RBBP8: variants seen among roughly 807,000 people sequenced by gnomAD.
RBBP8 encodes the protein RB binding protein 8, endonuclease, also known as DNA endonuclease RBBP8.
In RBBP8, 88 loss-of-function variants were observed where a neutral mutation model predicts 108.3. That is an observed-to-expected ratio of 0.81 (90% confidence interval 0.68 to 0.97). The LOEUF is 0.97. RBBP8 is among the 50% of genes least tolerant of loss of function. The pLI is 0.00. For synonymous variants in RBBP8, 332 were observed against 348.2 expected (o/e 0.95, Z 0.52); for missense variants, 1,023 against 1,049.0 (o/e 0.98, Z 0.34).
At chr18:22,922,223 T>C (rs1909621057) in intron 3 of RBBP8, among the ~76,000 whole-genome samples, 1 of 152,040 alleles carries the variant, frequency 6.6e-6, no homozygotes, top group Admixed American at 6.5e-5. Context: ...GAAGGAGAAA[T>C]AGGTGCAAAG....
At chr18:22,959,748 G>A in intron 4 of RBBP8, among the ~76,000 whole-genome samples, 1 of 151,774 alleles carries the variant, frequency 6.6e-6, no homozygotes, top group South Asian at 2.1e-4. Flanking sequence ...GTGTGTGTGT[G>A]TGTGTATACT....
intron 16 of RBBP8, among the ~76,000 whole-genome samples, chr18:23,006,716 A>G (rs2046056038): frequency 1.3e-5 from 2 of 152,010 alleles, no homozygotes; most frequent in African/African-American, 2.4e-5. Context: ...TGCCAAGGCT[A>G]ATCTTGAACT....
intron 2 of RBBP8, 120 bp downstream of exon 2, chr18:22,937,080 A>G (rs554024172): frequency 2.0e-5 from 31 of 1,516,620 alleles, no homozygotes; most frequent in African/African-American, 4.1e-5. Context: ...CCGGGGGTAC[A>G]TGTGCAGATT....
intron 3 of RBBP8, among the ~76,000 whole-genome samples, chr18:22,922,619 T>C (rs1909637677): frequency 6.6e-6 from 1 of 152,060 alleles, no homozygotes; most frequent in Admixed American, 6.6e-5. Flanking sequence ...CGCATAACCA[T>C]GCCCAGCTAA....
intron 8 of RBBP8, among the ~76,000 whole-genome samples, chr18:22,985,826 G>A (rs995630824): frequency 6.6e-6 from 1 of 152,020 alleles, no homozygotes; most frequent in Non-Finnish European, 1.5e-5. Context: ...CAGGTAGATG[G>A]CATCTAAGCC....
intron 12 of RBBP8, among the ~76,000 whole-genome samples, chr18:22,994,662 A>G (rs1212671569): frequency 1.3e-5 from 2 of 151,580 alleles, no homozygotes; most frequent in African/African-American, 2.4e-5. Flanking sequence ...AAAAAAAGAA[A>G]AAAAAAATTG....
chr18:22,917,575 A>G (rs1247775787), intron 3 of RBBP8, among the ~76,000 whole-genome samples: 4 of 152,248 alleles, frequency 2.6e-5, no homozygotes, highest in East Asian at 1.9e-4. Flanking sequence ...AATACATTTC[A>G]ACAAATAGCT....
intron 16 of RBBP8, among the ~76,000 whole-genome samples, chr18:23,011,807 A>G (rs887296436): frequency 6.6e-6 from 1 of 152,034 alleles, no homozygotes; most frequent in Non-Finnish European, 1.5e-5. Context: ...AACTCAATCA[A>G]TGAATGTCGT....
chr18:23,022,817 TG>T (rs2046395211), intron 18 of RBBP8, among the ~76,000 whole-genome samples: 1 of 151,694 alleles, frequency 6.6e-6, no homozygotes, highest in Non-Finnish European at 1.5e-5. Flanking sequence ...AATTAGAGAT[TG>T]GTAATATCAC....
At position 22,960,389 on chromosome 18, in the gene RBBP8, A is replaced by C. The variant is rs150813794; in HGVS notation, c.249-8417A>C. Among the ~76,000 whole-genome samples the C allele has an allele frequency of 2.5e-3, 388 of 152,268 alleles. 1 individual carries two copies. The highest frequency in any genetic ancestry group is 8.9e-3 in the African/African-American group (370 of 41,554). On this transcript the variant is annotated intron_variant, in intron 4 of 18. Coordinates refer to ENST00000327155, the MANE Select transcript of RBBP8 (RefSeq NM_002894.3). ...AACGTGGCAAAACCCTGTCTCTAAA[A>C]GTACAAAATTACCCAGCATGGTGGT...
At chr18:22,957,291 C>CTTTTTTTTTTTTTTTTTTTTTTTTTTTT (rs11418623) in intron 4 of RBBP8, among the ~76,000 whole-genome samples, 2 of 92,842 alleles carry the variant, frequency 2.2e-5, no homozygotes, top group African/African-American at 4.4e-5. Flanking sequence ...ATTACTTTTT[C>CTTTTTTTTTTTTTTTTTTTTTTTTTTTT]TTTTTTTTTT....
intron 18 of RBBP8, chr18:23,024,450 C>G (rs754488580): frequency 1.4e-4 from 21 of 152,058 alleles, no homozygotes; most frequent in Admixed American, 2.6e-4. Flanking sequence ...TGAAGCTGTT[C>G]AGAAAAAAAG....
rs1445170238 is a variant in RBBP8 at position 22,946,451 on chromosome 18, A to G, written c.117A>G (p.Gln39=). ...ECHDREVQGL[Q]VKVTKLKQER... ...TTTCTTTTTACTTTTCAGGTTTACA[A>G]GTAAAAGTAACCAAGCTAAAACAGG... The change falls in exon 3 of 19, where the codon CAA becomes CAG. Residue 39 remains glutamine, a synonymous_variant. Transcript: ENST00000327155. 1.2e-5 allele frequency: 20 copies of G among 1,612,720 alleles called. No individual in the cohort carries two copies. Among genetic ancestry groups the G allele is most frequent in the Non-Finnish European group, 1.6e-5 (19 of 1,179,280 alleles).
At chr18:22,931,241 G>A (rs1246912651), upstream of RBBP8, among the ~76,000 whole-genome samples, 2 of 152,140 alleles carry the variant, frequency 1.3e-5, no homozygotes, top group African/African-American at 4.8e-5. Context: ...GGTAGGTTTG[G>A]TGGAGAACTC....
chr18:23,022,198 T>C lies in RBBP8; in HGVS notation c.2524T>C (p.Tyr842His). ...LASCSRHRFR[Y>H]IPPNTPENFW... ...TTCCTGCTCAAGACACCGATTCCGC[T>C]ACATTCCACCCAACACACCAGAGAA... Residue 842 changes from tyrosine (Y) to histidine (H), a missense_variant, in exon 18 of 19, where the codon TAC becomes CAC. By Grantham distance (83) the Tyr-to-His change is moderately conservative. Transcript: ENST00000327155. 6.2e-7 allele frequency: 1 copy of C among 1,611,858 alleles called. No homozygotes were observed. Among genetic ancestry groups the C allele is most frequent in the Non-Finnish European group, 8.5e-7 (1 of 1,177,876 alleles).
chr18:22,928,075 C>T (rs1598623534), intron 3 of RBBP8, among the ~76,000 whole-genome samples: 1 of 151,352 alleles, frequency 6.6e-6, no homozygotes, highest in South Asian at 2.1e-4. Flanking sequence ...TAGGCAGGTG[C>T]CTGTAATCCC....
chr18:23,001,707 T>C lies in RBBP8; in HGVS notation c.2265T>C (p.Ser755=). 2 of 1,614,156 alleles carry C rather than the reference T, an allele frequency of 1.2e-6. No homozygotes were observed. Among genetic ancestry groups the C allele is most frequent in the Non-Finnish European group, 1.7e-6 (2 of 1,180,022 alleles). The change falls in exon 15 of 19, where the codon TCT becomes TCC. Residue 755 remains serine (S), a synonymous_variant. Transcript: ENST00000327155. ...SQAADEEEEL[S]TATKKLHTHG... is the part of the protein sequence containing the mutation. ...CAGCAGATGAAGAGGAGGAATTGTC[T>C]ACTGCCACAAAGAAACTACACAGTA...
chr18:23,022,635 A>T (rs1237169223), intron 18 of RBBP8, among the ~76,000 whole-genome samples: 1 of 95,132 alleles, frequency 1.1e-5, no homozygotes, highest in Non-Finnish European at 2.8e-5. Context: ...AATAAAATAA[A>T]ATAAATAAAA....
At chr18:22,973,502 A>C (rs1405808102) in intron 5 of RBBP8, among the ~76,000 whole-genome samples, 1 of 152,062 alleles carries the variant, frequency 6.6e-6, no homozygotes, top group East Asian at 1.9e-4. Context: ...ACTGGTCTTT[A>C]CTTCCTGTTT....
Sources: allele counts gnomAD v4.1 joint callset (sites outside exome capture counted in the v4.1 genomes callset), GRCh38; gene constraint gnomAD v4.1.1; transcripts MANE v1.5; gene names NCBI Gene and HGNC (gene_info 2026-07-23, HGNC 2026-07-21).